The following ARHGAP42 variants were observed in gnomAD, a reference collection of about 807,000 sequenced individuals.
ARHGAP42 encodes the protein rho GTPase-activating protein 42.
ARHGAP42 carries 63 observed loss-of-function variants against 125.0 expected under a neutral mutation model. That is an observed-to-expected ratio of 0.50 (90% CI 0.41 to 0.62). ARHGAP42 has a LOEUF of 0.62. Among genes scored for constraint, ARHGAP42 ranks in the 20% least tolerant of loss-of-function variants. The pLI is 0.00. For synonymous variants in ARHGAP42, 339 were observed against 351.0 expected, an observed-to-expected ratio of 0.97 and a Z score of 0.38; for missense variants, 766 against 1,024.2, an observed-to-expected ratio of 0.75 and a Z score of 3.44.
intron 2 of ARHGAP42, among the ~76,000 whole-genome samples, chr11:100,783,426 ACT>A (rs1336358055): frequency 6.6e-6 from 1 of 152,154 alleles, no homozygotes; most frequent in Non-Finnish European, 1.5e-5. Context: ...ACAGAGTGAG[ACT>A]CTGTCTCAAA....
rs1491566427 is a variant in ARHGAP42 at position 100,875,153 on chromosome 11, G to GT, written c.384+15528_384+15529insT. Reference sequence around the variant, plus strand: ...TGTGTGTGTGTGTGTGTGTGTGTGTGGCTCATGAACTATGAATGGTTGTTA... The same window carrying GT: ...TGTGTGTGTGTGTGTGTGTGTGTGTGTGCTCATGAACTATGAATGGTTGTTA... On this transcript the variant is annotated intron_variant, in intron 4 of 23. Transcript: ENST00000298815. Among the ~76,000 whole-genome samples, 182 of 123,840 alleles carry GT rather than the reference G, an allele frequency of 1.5e-3. 1 individual carries two copies. The highest frequency in any genetic ancestry group is 5.5e-3 in the African/African-American group (171 of 31,094). 81.2% of individuals were successfully genotyped at this position (123,840 alleles called of 152,430 possible).
intron 4 of ARHGAP42, among the ~76,000 whole-genome samples, chr11:100,904,124 ACT>A (rs1399875286): frequency 6.6e-6 from 1 of 151,584 alleles, no homozygotes; most frequent in Non-Finnish European, 1.5e-5. Context: ...AATCAAGTTG[ACT>A]CTCAGTATTA....
chr11:100,687,730 T>C lies in ARHGAP42; in HGVS notation c.52T>C (p.Phe18Leu). Reference sequence around the variant, plus strand: ...CGATTCCTACTTGGACAGCCCAGATTTCAGGGAGCGCTTGCAGTGTCACGA... The same window carrying C: ...CGATTCCTACTTGGACAGCCCAGATCTCAGGGAGCGCTTGCAGTGTCACGA... Reference protein sequence around the residue: ...FSDSYLDSPDFRERLQCHEIE... With the variant: ...FSDSYLDSPDLRERLQCHEIE... Residue 18 changes from phenylalanine (F) to leucine (L), a missense_variant, in exon 1 of 24, where the codon TTC (phenylalanine) becomes CTC (leucine). Around this residue, in one of 3 missense-constraint regions of ARHGAP42, gnomAD observed 455 missense variants for 636.5 expected, o/e 0.71. Transcript: ENST00000298815. The C allele has an allele frequency of 6.5e-7, 1 of 1,549,938 alleles. No individual in the cohort carries two copies. The highest frequency in any genetic ancestry group is 1.2e-5 in the South Asian group (1 of 83,942).
chr11:100,948,006 C>T (rs919890939), intron 10 of ARHGAP42, among the ~76,000 whole-genome samples: 1 of 151,874 alleles, frequency 6.6e-6, no homozygotes, highest in Non-Finnish European at 1.5e-5. Flanking sequence ...GTCTTTTTAC[C>T]TGTTACCTAG....
chr11:100,961,325 C>T (rs1318351235), intron 14 of ARHGAP42, among the ~76,000 whole-genome samples: 2 of 152,022 alleles, frequency 1.3e-5, no homozygotes, highest in Non-Finnish European at 2.9e-5. Context: ...TGTGTCTCAG[C>T]CTCCTCATTT....
intron 4 of ARHGAP42, among the ~76,000 whole-genome samples, chr11:100,864,080 T>G (rs1028471273): frequency 2.3e-4 from 35 of 152,304 alleles, no homozygotes; most frequent in African/African-American, 7.5e-4. Context: ...GTTGGAAACC[T>G]CCTTGTTCTC....
chr11:100,937,431 A>G (rs1009448092), intron 8 of ARHGAP42, among the ~76,000 whole-genome samples: 2 of 150,962 alleles, frequency 1.3e-5, no homozygotes, highest in Non-Finnish European at 3.0e-5. Flanking sequence ...TTTTTTTTTT[A>G]TTGTTATGTT....
At chr11:100,720,574 G>T (rs899200373) in intron 1 of ARHGAP42, among the ~76,000 whole-genome samples, 1 of 152,106 alleles carries the variant, frequency 6.6e-6, no homozygotes, top group Non-Finnish European at 1.5e-5. Context: ...GCTAGATTCA[G>T]TGTCTTCAAG....
chr11:100,842,702 G>GT (rs552810130), intron 3 of ARHGAP42, among the ~76,000 whole-genome samples: 301 of 152,128 alleles, frequency 2.0e-3, no homozygotes, highest in African/African-American at 6.8e-3. Context: ...AAATTAAATA[G>GT]CCTGCTCCTA....
At chr11:100,688,015 A>T (rs1023537846) in intron 1 of ARHGAP42, 183 bp downstream of exon 1, 5 of 588,882 alleles carry the variant, frequency 8.5e-6, no homozygotes, top group Middle Eastern at 5.0e-4. Flanking sequence ...TTACTTACTC[A>T]CATGTCTACA....
chr11:100,948,297 T>C (rs533650168), intron 10 of ARHGAP42, among the ~76,000 whole-genome samples, 160 bp from the exon 11 acceptor site: 2 of 152,256 alleles, frequency 1.3e-5, no homozygotes, highest in Admixed American at 6.6e-5. Flanking sequence ...AGTATTATAC[T>C]TCAGTCTTTT....
At chr11:100,878,253 C>T (rs1350183488) in intron 4 of ARHGAP42, among the ~76,000 whole-genome samples, 6 of 151,886 alleles carry the variant, frequency 4.0e-5, no homozygotes, top group African/African-American at 7.2e-5. Context: ...CTCAGCCTCC[C>T]GAGTAGCTGG....
chr11:100,727,651 C>T (rs1861884701), intron 1 of ARHGAP42, among the ~76,000 whole-genome samples: 1 of 152,198 alleles, frequency 6.6e-6, no homozygotes, highest in East Asian at 1.9e-4. Context: ...TTGCTGAGCA[C>T]ATCCACGTGC....
intron 12 of ARHGAP42, among the ~76,000 whole-genome samples, chr11:100,955,198 T>C (rs1466112703): frequency 6.7e-6 from 1 of 149,878 alleles, no homozygotes; most frequent in Non-Finnish European, 1.5e-5. Flanking sequence ...TTTTAAGGTT[T>C]TAATAAAAGC....
intron 22 of ARHGAP42, among the ~76,000 whole-genome samples, chr11:100,984,092 G>T (rs1353546824): frequency 6.7e-6 from 1 of 150,164 alleles, no homozygotes; most frequent in African/African-American, 2.5e-5. Context: ...ATTCCAGCCT[G>T]AGCAACCCAG....
At chr11:100,699,136 T>G (rs1229747550) in intron 1 of ARHGAP42, among the ~76,000 whole-genome samples, 1 of 152,072 alleles carries the variant, frequency 6.6e-6, no homozygotes, top group East Asian at 1.9e-4. Context: ...TTCCTAAACT[T>G]TGGGCCCGAT....
At chr11:100,762,236 T>C (rs571507226) in intron 1 of ARHGAP42, among the ~76,000 whole-genome samples, 6 of 152,346 alleles carry the variant, frequency 3.9e-5, no homozygotes, top group East Asian at 1.9e-4. Context: ...CTAGGCTAAC[T>C]TGATTTACCA....
chr11:100,733,974 G>A (rs1239115135), intron 1 of ARHGAP42, among the ~76,000 whole-genome samples: 29 of 127,748 alleles, frequency 2.3e-4, no homozygotes, highest in Admixed American at 1.9e-3. Context: ...TAGCTCTGTC[G>A]CCCAGGCTGG....
At position 100,973,320 on chromosome 11, in the gene ARHGAP42, G is replaced by C. The variant is rs1858303402; in HGVS notation, c.1696G>C (p.Glu566Gln). The C allele has an allele frequency of 2.6e-6, 4 of 1,549,702 alleles. No individual in the cohort carries two copies. The highest frequency in any genetic ancestry group is 2.0e-5 in the Admixed American group (1 of 50,598). Residue 566 changes from glutamate to glutamine, a missense_variant, in exon 18 of 24, where the codon GAG becomes CAG. Physicochemically the swap from Glu to Gln is conservative, Grantham distance 29. Coordinates refer to ENST00000298815, the MANE Select transcript of ARHGAP42 (RefSeq NM_152432.4). ...FQNIVVEILIEHYEKIFHTAP... is the reference protein window; with the variant it reads ...FQNIVVEILIQHYEKIFHTAP... ...GAATATTGTGGTAGAAATTCTGATA[G>C]AGCACTATGAAAAGGTAGGCGGAAT...
Sources: allele counts gnomAD v4.1 joint callset (sites outside exome capture counted in the v4.1 genomes callset), GRCh38; gene constraint gnomAD v4.1.1; regional missense constraint gnomAD v4.1.1; transcripts MANE v1.5; gene names NCBI Gene and HGNC (gene_info 2026-07-23, HGNC 2026-07-21).